Variants in SNPH observed in about 807,000 individuals in gnomAD.
SNPH encodes syntaphilin.
In SNPH, 10 loss-of-function variants were observed where a neutral mutation model predicts 36.8. The observed-to-expected ratio is 0.27, with a 90% CI of 0.17 to 0.46. The LOEUF is 0.46. Among genes scored for constraint, SNPH ranks in the 20% least tolerant of loss-of-function variants. The pLI, the probability that SNPH is intolerant of heterozygous loss-of-function variation, is 1.00. For missense variants in SNPH, 622 were observed against 744.0 expected (o/e 0.84, Z 1.91); for synonymous variants, 281 against 312.2 (o/e 0.90, Z 1.05).
intron 6 of SNPH, among the ~76,000 whole-genome samples, chr20:1,301,033 T>C (rs539448546): frequency 6.6e-6 from 1 of 152,348 alleles, no homozygotes; most frequent in African/African-American, 2.4e-5. Flanking sequence ...TCTTTTCCTC[T>C]GGCTCCCATC....
intron 6 of SNPH, among the ~76,000 whole-genome samples, chr20:1,301,129 C>T (rs943508108): frequency 1.3e-5 from 2 of 152,226 alleles, no homozygotes; most frequent in African/African-American, 4.8e-5. Context: ...CTCGCTTCCT[C>T]CTGAGTGAGT....
At chr20:1,278,144 CTA>C (rs1430268144) in intron 2 of SNPH, among the ~76,000 whole-genome samples, 1 of 138,288 alleles carries the variant, frequency 7.2e-6, no homozygotes. Flanking sequence ...CTGTGTGTGC[CTA>C]TGTGTGTGTG....
Position 1,305,661 on chromosome 20 carries a change from A to C in SNPH, c.1224A>C (p.Ala408=). The part of the protein sequence containing the change: ...HPSGPRDPNS[A]VVVTVGDELE... ...CAGGGCCCAGAGACCCCAACTCAGC[A>C]GTGGTGGTGACAGTGGGTGATGAGC... is the stretch of plus-strand genomic sequence containing the variant. Residue 408 remains alanine, a synonymous_variant, in exon 7 of 7, where the codon GCA becomes GCC. Transcript: ENST00000381867. The C allele has an allele frequency of 6.2e-7, 1 of 1,612,876 alleles. No homozygotes were observed. The highest frequency in any genetic ancestry group is 8.5e-7 in the Non-Finnish European group (1 of 1,179,718).
At chr20:1,286,207 G>A (rs2088282764) in intron 2 of SNPH, among the ~76,000 whole-genome samples, 1 of 152,060 alleles carries the variant, frequency 6.6e-6, no homozygotes, top group African/African-American at 2.4e-5. Context: ...TAAGAGGTAG[G>A]GCAGCTTCTC....
intron 6 of SNPH, among the ~76,000 whole-genome samples, chr20:1,303,648 G>A (rs985824322): frequency 1.3e-5 from 2 of 152,150 alleles, no homozygotes; most frequent in African/African-American, 4.8e-5. Flanking sequence ...TGACCTTTAT[G>A]GCCACTGCAT....
chr20:1,277,254 T>C (rs2088142996), intron 2 of SNPH, among the ~76,000 whole-genome samples: 1 of 152,006 alleles, frequency 6.6e-6, no homozygotes, highest in African/African-American at 2.4e-5. Context: ...TCTAGAAAAA[T>C]GTTGAGTAAA....
At chr20:1,289,098 G>A (rs2088319802) in intron 2 of SNPH, among the ~76,000 whole-genome samples, 4 of 152,170 alleles carry the variant, frequency 2.6e-5, no homozygotes, top group Admixed American at 1.3e-4. Context: ...AGAATGATAA[G>A]TGTCCCAGGT....
rs1046296635 is a variant in SNPH, at chr20:1,296,316, T to C, written c.77T>C (p.Leu26Pro). Residue 26 changes from leucine (L) to proline (P), a missense_variant, in exon 4 of 7, where the codon CTC (leucine) becomes CCC (proline). Leu to Pro is a moderately conservative substitution (Grantham distance 98, BLOSUM62 -3). This residue lies in a region of SNPH where 187 missense variants were observed against 209.4 expected (regional missense o/e 0.89). Coordinates refer to ENST00000381867, the MANE Select transcript of SNPH (RefSeq NM_001318234.2). The part of the protein sequence containing the change: ...ALSAGPPTRP[L>P]SSAPGIPPIP... The stretch of plus-strand genomic sequence containing the variant: ...TCTGCGGGCCCCCCAACCCGCCCTC[T>C]CTCCTCAGCCCCCGGGATACCGCCC... The C allele has an allele frequency of 2.5e-6, 4 of 1,582,122 alleles. No homozygotes were observed. The African/African-American group carries it at 4.1e-5, about 16-fold the overall frequency.
intron 2 of SNPH, among the ~76,000 whole-genome samples, chr20:1,287,489 C>T (rs1217003251): frequency 2.0e-5 from 3 of 152,100 alleles, no homozygotes; most frequent in Admixed American, 1.3e-4. Flanking sequence ...AGCCCCAAGC[C>T]CAGGCTCTGT....
chr20:1,266,698 G>A lies in SNPH; in HGVS notation c.-555G>A. On this transcript the variant is annotated 5_prime_UTR_variant, in exon 2 of 7. Coordinates refer to ENST00000381867, the MANE Select transcript of SNPH (RefSeq NM_001318234.2). This position sits in a 1 kb window ranked among gnomAD's most constrained non-coding sequence, Gnocchi z 6.0. ...CGGCTGCAGCAGCGACTGCAGAGGC[G>A]CTGCGCCAAGCCGGGCCGGAGTGGT... 6.9e-7 allele frequency: 1 copy of A among 1,448,338 alleles called. No homozygotes were observed. The allele number at this position is 1,448,338 out of a possible 1,614,324, so 89.7% of individuals were successfully genotyped here. A position where few individuals can be genotyped will look rare whatever the true frequency, so the allele number is the denominator to read the frequency against.
Position 1,298,514 on chromosome 20 carries a change from G to A in SNPH, c.290+1262G>A, listed in dbSNP as rs190578398. ...CTGTAACACCACCCCAGAGACTGGGGGACATAGGAGTAAAGCATTAATTTA... is the reference window on the plus strand; with the variant it reads ...CTGTAACACCACCCCAGAGACTGGGAGACATAGGAGTAAAGCATTAATTTA... On this transcript the variant is annotated intron_variant, in intron 5 of 6. Coordinates refer to ENST00000381867, the MANE Select transcript of SNPH (RefSeq NM_001318234.2). Among the ~76,000 whole-genome samples, 239 of 152,360 alleles carry A rather than the reference G, an allele frequency of 1.6e-3. 1 individual carries two copies. Among genetic ancestry groups the A allele is most frequent in the African/African-American group, 4.9e-3 (205 of 41,592 alleles).
intron 2 of SNPH, among the ~76,000 whole-genome samples, chr20:1,267,749 T>G (rs2088026023): frequency 6.6e-6 from 1 of 152,218 alleles, no homozygotes; most frequent in Non-Finnish European, 1.5e-5. Flanking sequence ...TCAGTTGATC[T>G]CTTTCAACTC....
Position 1,295,973 on chromosome 20 carries a change from T to G in SNPH, c.-267T>G. 1 of 442,210 alleles carries G rather than the reference T, an allele frequency of 2.3e-6. No homozygotes were observed. Among genetic ancestry groups the G allele is most frequent in the Non-Finnish European group, 3.9e-6 (1 of 253,642 alleles). The allele number at this position is 442,210 out of a possible 1,614,324, so 27.4% of individuals were successfully genotyped here. A position where few individuals can be genotyped will look rare whatever the true frequency, so the allele number is the denominator to read the frequency against. On this transcript the variant is annotated 5_prime_UTR_variant, in exon 4 of 7. Transcript: ENST00000381867. ...GAAGAAGCAGGCCTGGCTCGTAGAGTAGAAGACTCGGTGCCGGCAGTCAGG... is the reference window on the plus strand; with the variant it reads ...GAAGAAGCAGGCCTGGCTCGTAGAGGAGAAGACTCGGTGCCGGCAGTCAGG...
chr20:1,305,091 CAAG>C lies in SNPH; in HGVS notation c.658_660del (p.Lys220del), dbSNP rs748386557. The stretch of plus-strand genomic sequence containing the variant: ...ACTTCGTGGACATCAACATCCAGAA[CAAG>C]AAGCTGGAGACGCTGCTGCACAGCA... On this transcript the variant is annotated inframe_deletion, in exon 7 of 7. Transcript: ENST00000381867. 1.9e-6 allele frequency: 3 copies of C among 1,614,022 alleles called. No individual in the cohort carries two copies. The highest frequency in any genetic ancestry group is 2.5e-6 in the Non-Finnish European group (3 of 1,180,042).
At chr20:1,302,786 A>G (rs1228380396) in intron 6 of SNPH, among the ~76,000 whole-genome samples, 1 of 152,122 alleles carries the variant, frequency 6.6e-6, no homozygotes, top group Non-Finnish European at 1.5e-5. Flanking sequence ...TCCGGTTTGG[A>G]TTTGTTGTGG....
rs1046627618 is a variant in SNPH at position 1,285,920 on chromosome 20, C to T, written c.-492-9031C>T. ...GACCATCCTGGCCAATATGGTGAAA[C>T]CCCGTCTCTACTAAAAATACAAAAA... On this transcript the variant is annotated intron_variant, in intron 2 of 6. Coordinates refer to ENST00000381867, the MANE Select transcript of SNPH (RefSeq NM_001318234.2). The surrounding 1 kb of genome is among the most constrained non-coding windows in gnomAD (Gnocchi z 4.9). Among the ~76,000 whole-genome samples, 1 of 151,822 alleles carries T rather than the reference C, an allele frequency of 6.6e-6. No homozygotes were observed. Among genetic ancestry groups the T allele is most frequent in the Non-Finnish European group, 1.5e-5 (1 of 67,982 alleles).
intron 2 of SNPH, among the ~76,000 whole-genome samples, chr20:1,278,963 T>C (rs2088184215): frequency 1.3e-5 from 2 of 152,388 alleles, no homozygotes; most frequent in South Asian, 4.1e-4. Context: ...TACATTCATC[T>C]GTTTGTTGAT....
rs2088135124 is a variant in SNPH, at chr20:1,276,664, A to G, written c.-493+9904A>G. On this transcript the variant is annotated intron_variant, in intron 2 of 6. Transcript: ENST00000381867. This position sits in a 1 kb window ranked among gnomAD's most constrained non-coding sequence, Gnocchi z 4.6. ...ACACAGTAGGTGCTTAATAAATGCC[A>G]GTACCCTTTCATCCGTGTTGTATAG... Among the ~76,000 whole-genome samples, 1 of 152,238 alleles carries G rather than the reference A, an allele frequency of 6.6e-6. No individual in the cohort carries two copies. Among genetic ancestry groups the G allele is most frequent in the African/African-American group, 2.4e-5 (1 of 41,464 alleles).
At chr20:1,281,162 C>T (rs1239477563) in intron 2 of SNPH, among the ~76,000 whole-genome samples, 1 of 152,200 alleles carries the variant, frequency 6.6e-6, no homozygotes, top group African/African-American at 2.4e-5. Flanking sequence ...TCATTCCCTA[C>T]AGCCTATCTC....
Sources: allele counts gnomAD v4.1 joint callset (sites outside exome capture counted in the v4.1 genomes callset), GRCh38; gene constraint gnomAD v4.1.1; regional missense constraint gnomAD v4.1.1; non-coding constraint Gnocchi (gnomAD v3.1); transcripts MANE v1.5; gene names NCBI Gene and HGNC (gene_info 2026-07-23, HGNC 2026-07-21).